Variants in TANC1 observed in about 807,000 individuals in gnomAD.
TANC1 encodes tetratricopeptide repeat, ankyrin repeat and coiled-coil containing 1.
TANC1 carries 77 observed loss-of-function variants against 149.7 expected under a neutral mutation model. The observed-to-expected ratio is 0.51, with a 90% CI of 0.43 to 0.62. The LOEUF (loss-of-function observed/expected upper bound fraction) is 0.62. TANC1 is among the 20% of genes least tolerant of loss of function. The pLI is 0.00. For missense variants in TANC1, 1,985 were observed against 2,321.8 expected, an observed-to-expected ratio of 0.85 and a Z score of 2.98; for synonymous variants, 854 against 925.0, an observed-to-expected ratio of 0.92 and a Z score of 1.39.
intron 2 of TANC1, among the ~76,000 whole-genome samples, chr2:159,054,752 T>G (rs1467968882): frequency 1.3e-5 from 2 of 152,210 alleles, no homozygotes; most frequent in Non-Finnish European, 2.9e-5. Flanking sequence ...AAGGTCTCTT[T>G]TCATAGTAAA....
At chr2:158,995,598 C>T (rs1054835394) in intron 1 of TANC1, among the ~76,000 whole-genome samples, 10 of 152,136 alleles carry the variant, frequency 6.6e-5, no homozygotes, top group African/African-American at 2.2e-4. Context: ...TGGGTTTTTA[C>T]AGAATGGGAT....
At chr2:159,060,723 G>A (rs757718904) in intron 2 of TANC1, among the ~76,000 whole-genome samples, 1 of 152,108 alleles carries the variant, frequency 6.6e-6, no homozygotes, top group Non-Finnish European at 1.5e-5. Flanking sequence ...TCTCAGATTC[G>A]ACTTGAAATT....
chr2:159,228,939 G>A (rs770906180), intron 26 of TANC1, 43 bp downstream of exon 26: 1 of 1,520,338 alleles, frequency 6.6e-7, no homozygotes, highest in East Asian at 2.3e-5. Context: ...TTTTTTTCTT[G>A]TGGGATCAAA....
At chr2:159,042,002 G>A (rs1388857252) in intron 2 of TANC1, among the ~76,000 whole-genome samples, 1 of 152,154 alleles carries the variant, frequency 6.6e-6, no homozygotes, top group Non-Finnish European at 1.5e-5. Flanking sequence ...TTCATGTAGG[G>A]TTCTCCTCTG....
At chr2:159,189,792 A>ACAGCCC (rs143099146) in intron 16 of TANC1, among the ~76,000 whole-genome samples, 1,614 of 152,236 alleles carry the variant, frequency 0.011, 31 homozygotes, top group African/African-American at 0.036. Context: ...TCTGGGCACC[A>ACAGCCC]CAGCCCCAGC....
At chr2:159,047,502 TG>T (rs1038004976) in intron 2 of TANC1, among the ~76,000 whole-genome samples, 1 of 152,188 alleles carries the variant, frequency 6.6e-6, no homozygotes, top group Non-Finnish European at 1.5e-5. Flanking sequence ...AAGCTGCCTC[TG>T]ATTCTATTCA....
At chr2:159,006,439 T>C (rs1021013682) in intron 2 of TANC1, among the ~76,000 whole-genome samples, 5 of 152,030 alleles carry the variant, frequency 3.3e-5, no homozygotes, top group African/African-American at 1.2e-4. Context: ...TAGGAGAAAG[T>C]GTTATTGTTT....
intron 4 of TANC1, among the ~76,000 whole-genome samples, chr2:159,131,516 C>A (rs1207094664): frequency 1.3e-5 from 2 of 149,028 alleles, no homozygotes; most frequent in African/African-American, 4.9e-5. Flanking sequence ...CCCCTCCCCC[C>A]GCCCCTTCCC....
At chr2:159,036,916 A>G (rs947122942) in intron 2 of TANC1, among the ~76,000 whole-genome samples, 8 of 152,210 alleles carry the variant, frequency 5.3e-5, no homozygotes, top group African/African-American at 1.9e-4. Flanking sequence ...CTAGTTCTAG[A>G]TCCTTGAGGA....
At chr2:159,197,915 C>T (rs2057981080) in intron 18 of TANC1, among the ~76,000 whole-genome samples, 1 of 152,186 alleles carries the variant, frequency 6.6e-6, no homozygotes, top group African/African-American at 2.4e-5. Flanking sequence ...CTTAAAGCAG[C>T]ACACACTTAC....
At chr2:159,225,376 G>T in intron 23 of TANC1, 1 of 440,414 alleles carries the variant, frequency 2.3e-6, no homozygotes, top group East Asian at 4.6e-5. Flanking sequence ...AACTGAGGAG[G>T]TTATGCTAAG....
chr2:159,006,469 AT>A (rs2037191388), intron 2 of TANC1, among the ~76,000 whole-genome samples: 1 of 152,154 alleles, frequency 6.6e-6, no homozygotes, highest in Non-Finnish European at 1.5e-5. Context: ...GTCTTTAAAC[AT>A]TTTTCACTTT....
chr2:158,994,709 G>A (rs2035979940), intron 1 of TANC1, among the ~76,000 whole-genome samples: 1 of 152,186 alleles, frequency 6.6e-6, no homozygotes, highest in Non-Finnish European at 1.5e-5. Context: ...TTAAAACTTT[G>A]TAATCAAGTT....
intron 3 of TANC1, among the ~76,000 whole-genome samples, chr2:159,086,427 G>C (rs142907771): frequency 6.6e-6 from 1 of 152,200 alleles, no homozygotes; most frequent in Non-Finnish European, 1.5e-5. Context: ...AGAGATCTGG[G>C]ATATGGTCAG....
chr2:159,175,307 C>G (rs1040523524), intron 12 of TANC1, 123 bp downstream of exon 12: 2 of 741,786 alleles, frequency 2.7e-6, no homozygotes, highest in Admixed American at 2.3e-5. Flanking sequence ...GAGAGGATGT[C>G]GAAGCCTCCG....
intron 2 of TANC1, among the ~76,000 whole-genome samples, chr2:159,015,034 T>C (rs2038126264): frequency 1.3e-5 from 2 of 152,316 alleles, no homozygotes; most frequent in South Asian, 4.1e-4. Flanking sequence ...ACAGCTCTAC[T>C]AGGTGGTGCC....
intron 7 of TANC1, among the ~76,000 whole-genome samples, chr2:159,163,029 A>G (rs973261907): frequency 3.9e-5 from 6 of 152,042 alleles, no homozygotes; most frequent in South Asian, 2.1e-4. Flanking sequence ...TTTTTAGACA[A>G]TTTTTTTCAT....
At chr2:159,111,378 G>T (rs2047697757) in intron 4 of TANC1, among the ~76,000 whole-genome samples, 1 of 152,208 alleles carries the variant, frequency 6.6e-6, no homozygotes, top group East Asian at 1.9e-4. Flanking sequence ...AAACACAGGT[G>T]CTCCTTACAC....
intron 1 of TANC1, among the ~76,000 whole-genome samples, chr2:159,000,832 G>A (rs1294732810): frequency 1.3e-5 from 2 of 152,124 alleles, no homozygotes; most frequent in East Asian, 3.9e-4. Context: ...CAAGAGCCAG[G>A]GATCAGAGCT....
Sources: gnomAD v4.1 joint callset for allele counts (sites outside exome capture counted in the v4.1 genomes callset) on GRCh38, gnomAD v4.1.1 for gene constraint, MANE v1.5 for transcripts, NCBI Gene and HGNC (gene_info 2026-07-23, HGNC 2026-07-21) for gene names.